TPP2: variants seen among roughly 807,000 people sequenced by gnomAD.
TPP2 encodes the protein tripeptidyl-peptidase 2.
TPP2 carries 34 observed loss-of-function variants against 155.9 expected under a neutral mutation model. That is an observed-to-expected ratio of 0.22 (90% CI 0.17 to 0.29). The LOEUF (loss-of-function observed/expected upper bound fraction) is 0.29, where lower values mean the gene tolerates loss of function less well. Among genes scored for constraint, TPP2 ranks in the 10% least tolerant of loss-of-function variants. The pLI is 1.00. For missense variants in TPP2, 1,028 were observed against 1,522.3 expected (o/e 0.68, Z 5.40); for synonymous variants, 510 against 529.4 (o/e 0.96, Z 0.50).
At chr13:102,609,117 T>C (rs1054525709) in intron 2 of TPP2, among the ~76,000 whole-genome samples, 7 of 152,198 alleles carry the variant, frequency 4.6e-5, no homozygotes, top group African/African-American at 1.7e-4. Flanking sequence ...AACCACACCA[T>C]GCAAGGGGCC....
chr13:102,624,508 C>T (rs540524868), intron 6 of TPP2, among the ~76,000 whole-genome samples: 1 of 152,292 alleles, frequency 6.6e-6, no homozygotes, highest in East Asian at 1.9e-4. Flanking sequence ...ATTATCCAGC[C>T]TTTCTCCACC....
chr13:102,611,533 G>A (rs970908256), intron 2 of TPP2, among the ~76,000 whole-genome samples: 1 of 152,154 alleles, frequency 6.6e-6, no homozygotes, highest in Admixed American at 6.5e-5. Context: ...AAAATTAGCT[G>A]GGCATGGTGG....
rs1566328426 is a variant in TPP2 at position 102,618,852 on chromosome 13, C to T, written c.620+6C>T. The T allele has an allele frequency of 5.0e-6, 8 of 1,599,636 alleles. No individual in the cohort carries two copies. In the South Asian group the frequency reaches 8.0e-5, roughly 16 times the overall value. Reference sequence around the variant, plus strand: ...CATGATGGCGAAGTCTGGAGGTAAACTTCGTGTATTTTATACATCTTCATT... The same window carrying T: ...CATGATGGCGAAGTCTGGAGGTAAATTTCGTGTATTTTATACATCTTCATT... On this transcript the variant is annotated splice_donor_region_variant and intron_variant, in intron 5 of 29. Coordinates refer to ENST00000376052, the MANE Select transcript of TPP2 (RefSeq NM_001330588.2).
rs771574618 is a variant in TPP2, at chr13:102,622,880, C to T, written c.624C>T (p.Ala208=). Reference sequence around the variant, plus strand: ...TCCATTTCTTTTTAATTAATAGAGCCTGCATTGATTCTAATGAAGATGGGG... The same window carrying T: ...TCCATTTCTTTTTAATTAATAGAGCTTGCATTGATTCTAATGAAGATGGGG... ...LVWHDGEVWR[A]CIDSNEDGDL... is the part of the protein sequence containing the mutation. The change falls in exon 6 of 30, where the codon GCC becomes GCT. Residue 208 remains alanine (A), a synonymous_variant. Transcript: ENST00000376052. 6.2e-7 allele frequency: 1 copy of T among 1,607,122 alleles called. No homozygotes were observed. Among genetic ancestry groups the T allele is most frequent in the South Asian group, 1.1e-5 (1 of 89,420 alleles).
chr13:102,635,915 G>T (rs1459417459), intron 12 of TPP2, among the ~76,000 whole-genome samples: 1 of 152,134 alleles, frequency 6.6e-6, no homozygotes, highest in Admixed American at 6.6e-5. Flanking sequence ...ATAGATGGAG[G>T]CCATGTAGAG....
At chr13:102,619,126 C>T (rs1289356414) in intron 5 of TPP2, among the ~76,000 whole-genome samples, 2 of 152,096 alleles carry the variant, frequency 1.3e-5, no homozygotes, top group African/African-American at 4.8e-5. Flanking sequence ...GGAAATGTTT[C>T]CTCATTTGTT....
chr13:102,622,753 A>G (rs970372646), intron 5 of TPP2, 124 bp from the exon 6 acceptor site: 40 of 1,106,274 alleles, frequency 3.6e-5, no homozygotes, highest in African/African-American at 1.6e-5. Context: ...CCAGGCAGTC[A>G]TTATATTTAT....
At chr13:102,597,825 CT>C (rs1879092665) in intron 1 of TPP2, among the ~76,000 whole-genome samples, 1 of 152,168 alleles carries the variant, frequency 6.6e-6, no homozygotes, top group South Asian at 2.1e-4. Context: ...GAATTGTTTC[CT>C]GTGGTAGTTT....
At chr13:102,607,846 C>T (rs1879962287) in intron 2 of TPP2, 1 of 253,146 alleles carries the variant, frequency 4.0e-6, no homozygotes, top group Non-Finnish European at 8.3e-6. Flanking sequence ...CCACCTCGAC[C>T]TCCCAAAGTG....
At chr13:102,662,289 C>T (rs923033178) in intron 25 of TPP2, among the ~76,000 whole-genome samples, 1 of 151,972 alleles carries the variant, frequency 6.6e-6, no homozygotes, top group African/African-American at 2.4e-5. Flanking sequence ...AAGGGTATGG[C>T]GGTTTCTTTT....
At chr13:102,603,864 GA>G (rs1879614225) in intron 1 of TPP2, among the ~76,000 whole-genome samples, 1 of 93,574 alleles carries the variant, frequency 1.1e-5, no homozygotes. Flanking sequence ...AGTGGAAACT[GA>G]GGGACCACTT....
At chr13:102,656,379 C>A (rs1017127433) in intron 24 of TPP2, among the ~76,000 whole-genome samples, 1 of 152,112 alleles carries the variant, frequency 6.6e-6, no homozygotes, top group Admixed American at 6.6e-5. Context: ...TTGCTTTATA[C>A]CCAGCTCAGG....
chr13:102,624,742 G>A lies in TPP2; in HGVS notation c.784+1702G>A, dbSNP rs183898917. Among the ~76,000 whole-genome samples, 110 of 151,980 alleles carry A rather than the reference G, an allele frequency of 7.2e-4. 1 individual carries two copies. Among genetic ancestry groups the A allele is most frequent in the African/African-American group, 2.6e-3 (108 of 41,440 alleles). ...TTGTTTATCCAGCTTCCCATTGATG[G>A]ACGTTTAGATTGTTTTGGTATCTGT... On this transcript the variant is annotated intron_variant, in intron 6 of 29. Transcript: ENST00000376052.
chr13:102,641,823 C>T (rs1489995945), intron 16 of TPP2, among the ~76,000 whole-genome samples: 2 of 152,172 alleles, frequency 1.3e-5, no homozygotes, highest in Admixed American at 6.5e-5. Flanking sequence ...TGAGGATAAT[C>T]GGGTTGTACT....
chr13:102,644,840 T>C (rs1882997715), intron 18 of TPP2, 69 bp from the exon 19 acceptor site: 2 of 1,557,274 alleles, frequency 1.3e-6, no homozygotes, highest in African/African-American at 2.7e-5. Context: ...TGGACACATT[T>C]ATTTTAGGTA....
At chr13:102,658,801 A>G (rs892414419) in intron 25 of TPP2, among the ~76,000 whole-genome samples, 7 of 152,196 alleles carry the variant, frequency 4.6e-5, no homozygotes, top group African/African-American at 1.7e-4. Flanking sequence ...GGAGGACGTC[A>G]TCATTTCTCA....
intron 27 of TPP2, among the ~76,000 whole-genome samples, chr13:102,667,180 C>T (rs1429436686): frequency 1.4e-5 from 2 of 146,682 alleles, no homozygotes; most frequent in Non-Finnish European, 3.0e-5. Flanking sequence ...TCAGTAACAT[C>T]AAAAATTGTA....
At chr13:102,648,063 T>C (rs632683) in intron 21 of TPP2, among the ~76,000 whole-genome samples, 75,400 of 152,030 alleles carry the variant, frequency 0.5, 19,095 homozygotes, top group African/African-American at 0.6. Flanking sequence ...AGTGCTATTA[T>C]TTTGGTTACT....
intron 10 of TPP2, 142 bp downstream of exon 10, chr13:102,630,337 GTCTCA>G (rs1392157872): frequency 3.6e-6 from 2 of 561,444 alleles, no homozygotes; most frequent in Middle Eastern, 4.5e-4. Context: ...TTGATTAACA[GTCTCA>G]TCTCAGGGAC....
Sources: allele counts gnomAD v4.1 joint callset (sites outside exome capture counted in the v4.1 genomes callset), GRCh38; gene constraint gnomAD v4.1.1; transcripts MANE v1.5; gene names NCBI Gene and HGNC (gene_info 2026-07-23, HGNC 2026-07-21).